RFX3: variants seen among roughly 807,000 people sequenced by gnomAD.
RFX3 encodes transcription factor RFX3.
A neutral mutation model predicts 98.6 loss-of-function variants in RFX3; 14 were observed. That is an observed-to-expected ratio of 0.14 (90% CI 0.09 to 0.22). RFX3 has a LOEUF of 0.22. Ranked by LOEUF, RFX3 falls within the 10% of genes least tolerant of loss-of-function variation. The probability of loss-of-function intolerance (pLI) is 1.00; values close to 1 mark genes in which losing one functional copy is unlikely to be tolerated. For missense variants in RFX3, 639 were observed against 926.9 expected (o/e 0.69, Z 4.03); for synonymous variants, 383 against 328.4 (o/e 1.17, Z -1.80).
intron 15 of RFX3, among the ~76,000 whole-genome samples, chr9:3,232,652 G>A (rs1358081250): frequency 6.6e-6 from 1 of 152,156 alleles, no homozygotes; most frequent in African/African-American, 2.4e-5. Flanking sequence ...AATTTGGCAA[G>A]TTAAGTGTTT....
chr9:3,326,274 T>A (rs926634833), intron 4 of RFX3, among the ~76,000 whole-genome samples: 5 of 152,152 alleles, frequency 3.3e-5, no homozygotes, highest in African/African-American at 1.2e-4. Flanking sequence ...GTAGTTGATA[T>A]AATATATTCA....
chr9:3,374,366 T>C (rs1483363962), intron 2 of RFX3, among the ~76,000 whole-genome samples: 1 of 152,166 alleles, frequency 6.6e-6, no homozygotes, highest in Admixed American at 6.6e-5. Context: ...AAAAGAGATA[T>C]TTGTACAGCC....
At chr9:3,239,000 G>GAAA (rs571555250) in intron 15 of RFX3, among the ~76,000 whole-genome samples, 1 of 103,892 alleles carries the variant, frequency 9.6e-6, no homozygotes, top group Admixed American at 1.0e-4. Flanking sequence ...CCATCTCAAA[G>GAAA]AAAAAAAAAA....
intron 1 of RFX3, among the ~76,000 whole-genome samples, chr9:3,478,015 C>T (rs1016812380): frequency 6.6e-6 from 1 of 152,032 alleles, no homozygotes; most frequent in South Asian, 2.1e-4. Flanking sequence ...TTTATTGATA[C>T]TCTTTCTCTG....
intron 2 of RFX3, among the ~76,000 whole-genome samples, chr9:3,351,552 GAATA>G (rs1379110220): frequency 2.0e-5 from 3 of 151,804 alleles, no homozygotes; most frequent in East Asian, 1.9e-4. Context: ...ACATATAATT[GAATA>G]AATAGTTTGC....
intron 1 of RFX3, among the ~76,000 whole-genome samples, chr9:3,414,094 G>T (rs928246429): frequency 6.6e-6 from 1 of 151,982 alleles, no homozygotes; most frequent in Non-Finnish European, 1.5e-5. Flanking sequence ...TGTGTGTGTT[G>T]GTTGAGTACT....
chr9:3,318,190 C>G (rs981382237), intron 4 of RFX3, among the ~76,000 whole-genome samples: 6 of 152,078 alleles, frequency 3.9e-5, no homozygotes, highest in African/African-American at 1.4e-4. Flanking sequence ...TACTATGCAA[C>G]CATAAAAAAG....
chr9:3,423,659 G>A (rs1254919760), intron 1 of RFX3, among the ~76,000 whole-genome samples: 1 of 151,578 alleles, frequency 6.6e-6, no homozygotes, highest in South Asian at 2.1e-4. Flanking sequence ...AGGGAGCTTC[G>A]GGAAGTATAA....
At chr9:3,484,648 C>T (rs894571754) in intron 1 of RFX3, among the ~76,000 whole-genome samples, 1 of 152,186 alleles carries the variant, frequency 6.6e-6, no homozygotes, top group Non-Finnish European at 1.5e-5. Context: ...ACTTACAACT[C>T]TGTGTAGCTT....
intron 16 of RFX3, among the ~76,000 whole-genome samples, chr9:3,225,909 T>C (rs925731955): frequency 3.2e-4 from 49 of 152,302 alleles, no homozygotes; most frequent in African/African-American, 1.1e-3. Flanking sequence ...TGGATTTCCA[T>C]TCTTGGCAAC....
intron 1 of RFX3, among the ~76,000 whole-genome samples, chr9:3,475,988 T>C (rs923999498): frequency 1.3e-5 from 2 of 152,230 alleles, no homozygotes; most frequent in Admixed American, 6.5e-5. Flanking sequence ...AGGAGCTCTC[T>C]GGTGGCCCTG....
At chr9:3,371,746 G>C (rs10124292) in intron 2 of RFX3, among the ~76,000 whole-genome samples, 29,175 of 152,132 alleles carry the variant, frequency 0.19, 5,017 homozygotes, top group African/African-American at 0.46. Context: ...ATTTGGGTTA[G>C]TAGAGAACAG....
At chr9:3,509,415 G>A (rs1218958656) in intron 1 of RFX3, among the ~76,000 whole-genome samples, 4 of 151,814 alleles carry the variant, frequency 2.6e-5, no homozygotes, top group East Asian at 3.9e-4. Flanking sequence ...AAGTAAAGAC[G>A]TGCATACCAG....
At position 3,218,757 on chromosome 9, in the gene RFX3, T is replaced by C. The variant is rs1232714147; in HGVS notation, c.*6285A>G. ...TACATTATCTCACACATACAATCTC[T>C]ACAAAAGTTGCTTACCTCATTTACA... On this transcript the variant is annotated 3_prime_UTR_variant, in exon 17 of 17. Coordinates refer to ENST00000617270, the MANE Select transcript of RFX3 (RefSeq NM_001282116.2). The C allele has an allele frequency of 6.6e-6, 1 of 152,186 alleles. No homozygotes were observed. Among genetic ancestry groups the C allele is most frequent in the African/African-American group, 2.4e-5 (1 of 41,452 alleles). 9.4% of individuals were successfully genotyped at this position (152,186 alleles called of 1,614,324 possible).
intron 1 of RFX3, among the ~76,000 whole-genome samples, chr9:3,499,873 T>G (rs1348778517): frequency 6.6e-6 from 1 of 152,128 alleles, no homozygotes; most frequent in Non-Finnish European, 1.5e-5. Flanking sequence ...TTTTTTTAAG[T>G]GAGACATTTT....
chr9:3,496,144 T>C (rs376214165), intron 1 of RFX3, among the ~76,000 whole-genome samples: 2 of 151,998 alleles, frequency 1.3e-5, no homozygotes, highest in South Asian at 4.1e-4. Context: ...CTCATACAGA[T>C]TTTTACACGG....
At chr9:3,495,925 T>C (rs1318990486) in intron 1 of RFX3, among the ~76,000 whole-genome samples, 3 of 152,070 alleles carry the variant, frequency 2.0e-5, no homozygotes, top group African/African-American at 7.2e-5. Flanking sequence ...CAACAGAATA[T>C]ATTCAAACAT....
At chr9:3,413,582 T>G (rs1842645715) in intron 1 of RFX3, among the ~76,000 whole-genome samples, 1 of 152,126 alleles carries the variant, frequency 6.6e-6, no homozygotes, top group Non-Finnish European at 1.5e-5. Context: ...CTAAAACTAC[T>G]GCAGATCCTA....
chr9:3,425,479 A>T (rs187578254), intron 1 of RFX3, among the ~76,000 whole-genome samples: 21 of 152,330 alleles, frequency 1.4e-4, no homozygotes, highest in African/African-American at 4.8e-4. Flanking sequence ...TCAACATTTT[A>T]AAATGTATAA....
Sources: gnomAD v4.1 joint callset for allele counts (sites outside exome capture counted in the v4.1 genomes callset) on GRCh38, gnomAD v4.1.1 for gene constraint, MANE v1.5 for transcripts, NCBI Gene and HGNC (gene_info 2026-07-23, HGNC 2026-07-21) for gene names.